SIPA1L1: variants seen among roughly 807,000 people sequenced by gnomAD.
The protein encoded by SIPA1L1 is signal induced proliferation associated 1 like 1.
In SIPA1L1, 26 loss-of-function variants were observed where a neutral mutation model predicts 162.7. That is an observed-to-expected ratio of 0.16 (90% CI 0.12 to 0.22). The LOEUF (loss-of-function observed/expected upper bound fraction) is 0.22. SIPA1L1 is among the 10% of genes least tolerant of loss of function. The pLI is 1.00. For synonymous variants in SIPA1L1, 829 were observed against 837.4 expected (o/e 0.99, Z 0.17); for missense variants, 1,874 against 2,241.0 (o/e 0.84, Z 3.31).
intron 2 of SIPA1L1, among the ~76,000 whole-genome samples, chr14:71,382,774 G>T (rs1021483715): frequency 3.3e-5 from 5 of 152,124 alleles, no homozygotes; most frequent in Non-Finnish European, 5.9e-5. Flanking sequence ...AATATTGAGT[G>T]CCCATATGTG....
At chr14:71,352,644 C>G (rs1409479531) in intron 2 of SIPA1L1, among the ~76,000 whole-genome samples, 1 of 152,176 alleles carries the variant, frequency 6.6e-6, no homozygotes, top group African/African-American at 2.4e-5. Flanking sequence ...TCTTCTGTCT[C>G]TAGCTAATGA....
intron 2 of SIPA1L1, among the ~76,000 whole-genome samples, chr14:71,426,010 C>T (rs1049138670): frequency 6.6e-6 from 1 of 151,978 alleles, no homozygotes; most frequent in Non-Finnish European, 1.5e-5. Context: ...TATAACCATC[C>T]TTGCTTTCTT....
chr14:71,481,389 G>A (rs1006683110), intron 2 of SIPA1L1, among the ~76,000 whole-genome samples: 16 of 152,150 alleles, frequency 1.1e-4, no homozygotes, highest in African/African-American at 3.1e-4. Context: ...TGAGGTGGGA[G>A]GATGGCTTCA....
At chr14:71,485,928 A>G (rs968961989) in intron 2 of SIPA1L1, among the ~76,000 whole-genome samples, 7 of 151,966 alleles carry the variant, frequency 4.6e-5, no homozygotes, top group Non-Finnish European at 8.8e-5. Context: ...TTCCCCCCCT[A>G]CATTGCCTAT....
intron 2 of SIPA1L1, among the ~76,000 whole-genome samples, chr14:71,395,582 G>A (rs570731070): frequency 2.0e-5 from 3 of 152,276 alleles, no homozygotes; most frequent in African/African-American, 7.2e-5. Context: ...GATCACTTGA[G>A]TCCAGGAGTT....
intron 2 of SIPA1L1, among the ~76,000 whole-genome samples, chr14:71,402,144 C>T (rs2041715248): frequency 6.6e-6 from 1 of 151,800 alleles, no homozygotes; most frequent in African/African-American, 2.4e-5. Flanking sequence ...AAAAATATGG[C>T]TAATAATTAC....
At chr14:71,519,444 C>A (rs1211739008) in intron 3 of SIPA1L1, among the ~76,000 whole-genome samples, 2 of 152,166 alleles carry the variant, frequency 1.3e-5, no homozygotes, top group Non-Finnish European at 2.9e-5. Flanking sequence ...ATCTGGCACC[C>A]TAATCTTGAT....
At chr14:71,458,520 A>G (rs199554811) in intron 2 of SIPA1L1, among the ~76,000 whole-genome samples, 1 of 152,206 alleles carries the variant, frequency 6.6e-6, no homozygotes, top group South Asian at 2.1e-4. Context: ...AACCAGTGAT[A>G]TTAAGTGTAG....
intron 4 of SIPA1L1, chr14:71,573,393 A>C: frequency 2.8e-6 from 1 of 358,364 alleles, no homozygotes; most frequent in Non-Finnish European, 5.5e-6. Context: ...AATAAGATGC[A>C]GTTCCTGGCC....
At chr14:71,339,273 A>G (rs774871202) in intron 2 of SIPA1L1, among the ~76,000 whole-genome samples, 11 of 152,002 alleles carry the variant, frequency 7.2e-5, no homozygotes, top group Non-Finnish European at 1.6e-4. Context: ...GACTGGCAAG[A>G]TGATTAACCC....
At chr14:71,493,579 A>G (rs574656151) in intron 2 of SIPA1L1, among the ~76,000 whole-genome samples, 1 of 152,222 alleles carries the variant, frequency 6.6e-6, no homozygotes, top group Non-Finnish European at 1.5e-5. Flanking sequence ...ACAACAAAAA[A>G]AGTATTTTGA....
intron 3 of SIPA1L1, among the ~76,000 whole-genome samples, chr14:71,517,695 T>C (rs529785724): frequency 6.6e-6 from 1 of 152,220 alleles, no homozygotes; most frequent in Non-Finnish European, 1.5e-5. Context: ...TTGACATTGT[T>C]TGACTTTTTA....
At chr14:71,696,799 A>G (rs1045452884) in intron 13 of SIPA1L1, among the ~76,000 whole-genome samples, 2 of 152,240 alleles carry the variant, frequency 1.3e-5, no homozygotes, top group Non-Finnish European at 2.9e-5. Context: ...ACTTGGTGTA[A>G]TGGTGCAAAG....
intron 2 of SIPA1L1, among the ~76,000 whole-genome samples, chr14:71,457,490 G>C (rs970438769): frequency 4.6e-5 from 7 of 151,538 alleles, no homozygotes; most frequent in Admixed American, 4.6e-4. Context: ...GTAGAGATGG[G>C]GTTTCACTAT....
chr14:71,409,439 TGTG>T (rs2042253981), intron 2 of SIPA1L1, among the ~76,000 whole-genome samples: 1 of 152,116 alleles, frequency 6.6e-6, no homozygotes, highest in African/African-American at 2.4e-5. Flanking sequence ...TTATATGACA[TGTG>T]GTGTGAGGGA....
Position 71,671,309 on chromosome 14 carries a change from C to G in SIPA1L1, c.2446C>G (p.Leu816Val). Residue 816 changes from leucine (L) to valine (V), a missense_variant, in exon 11 of 24, where the codon CTG (leucine) becomes GTG (valine). Leu to Val is a conservative substitution (Grantham distance 32). This residue lies in a region of SIPA1L1 where 243 missense variants were observed against 315.0 expected (regional missense o/e 0.77). Coordinates refer to ENST00000381232, the MANE Select transcript of SIPA1L1 (RefSeq NM_001386936.1). ...TRTRQEYLKD[L>V]AEKNVTNTPI... is the part of the protein sequence containing the mutation. ...GACCCGCCAGGAATACCTGAAAGAT[C>G]TGGCAGAAAAGAATGTCACCAACAC... 8.7e-6 allele frequency: 14 copies of G among 1,614,208 alleles called. No homozygotes were observed. The highest frequency in any genetic ancestry group is 1.2e-5 in the Non-Finnish European group (14 of 1,180,040).
intron 2 of SIPA1L1, among the ~76,000 whole-genome samples, chr14:71,361,692 G>C (rs2037831017): frequency 6.6e-6 from 1 of 152,162 alleles, no homozygotes; most frequent in Non-Finnish European, 1.5e-5. Flanking sequence ...GGATTTTTAA[G>C]TGGGCCTGGA....
intron 4 of SIPA1L1, among the ~76,000 whole-genome samples, chr14:71,564,335 G>T: frequency 6.8e-6 from 1 of 148,004 alleles, no homozygotes; most frequent in African/African-American, 2.5e-5. Flanking sequence ...ATAAATGAAT[G>T]TATTTCTGTG....
At chr14:71,484,412 A>C (rs750259096) in intron 2 of SIPA1L1, among the ~76,000 whole-genome samples, 11 of 151,954 alleles carry the variant, frequency 7.2e-5, no homozygotes, top group Non-Finnish European at 1.3e-4. Flanking sequence ...TTGTATTAAT[A>C]ATTATAAAAT....
Sources: gnomAD v4.1 joint callset for allele counts (sites outside exome capture counted in the v4.1 genomes callset) on GRCh38, gnomAD v4.1.1 for gene constraint, gnomAD v4.1.1 regional missense constraint, MANE v1.5 for transcripts, NCBI Gene and HGNC (gene_info 2026-07-23, HGNC 2026-07-21) for gene names.